NAALADL2: variants seen among roughly 807,000 people sequenced by gnomAD.
NAALADL2 encodes inactive N-acetylated-alpha-linked acidic dipeptidase-like protein 2.
A neutral mutation model predicts 87.2 loss-of-function variants in NAALADL2; 76 were observed. That is an observed-to-expected ratio of 0.87 (90% CI 0.72 to 1.05). NAALADL2 has a LOEUF of 1.05. NAALADL2 is among the 50% of genes least tolerant of loss of function. NAALADL2 has a pLI of 0.00. For missense variants in NAALADL2, 1,089 were observed against 945.8 expected (o/e 1.15, Z -1.99); for synonymous variants, 354 against 331.0 (o/e 1.07, Z -0.75).
chr3:175,690,991 T>A (rs1321316117), intron 11 of NAALADL2, among the ~76,000 whole-genome samples: 1 of 148,972 alleles, frequency 6.7e-6, no homozygotes, highest in African/African-American at 2.6e-5. Flanking sequence ...CTATTATTGA[T>A]CCACAAGTTG....
intron 4 of NAALADL2, among the ~76,000 whole-genome samples, chr3:175,276,328 C>A (rs1244517266): frequency 2.4e-4 from 33 of 139,030 alleles, no homozygotes; most frequent in African/African-American, 8.2e-4. Context: ...TGAGACGAAG[C>A]CTCGCTCTGC....
chr3:174,748,640 G>A (rs1443842265), intron 3 of NAALADL2, among the ~76,000 whole-genome samples: 2 of 152,062 alleles, frequency 1.3e-5, no homozygotes, highest in African/African-American at 2.4e-5. Context: ...ATTGTTTTGT[G>A]TTTTCGGTAG....
At chr3:174,903,307 A>G (rs1732529093) in intron 1 of NAALADL2, among the ~76,000 whole-genome samples, 1 of 152,078 alleles carries the variant, frequency 6.6e-6, no homozygotes, top group South Asian at 2.1e-4. Flanking sequence ...AGAAGACGCA[A>G]TAATCTGTAG....
At chr3:175,517,827 A>C (rs1732077274) in intron 9 of NAALADL2, among the ~76,000 whole-genome samples, 2 of 152,118 alleles carry the variant, frequency 1.3e-5, no homozygotes, top group Non-Finnish European at 2.9e-5. Flanking sequence ...GGCGGAGTAC[A>C]CCGGATTTTA....
chr3:174,539,165 G>A (rs1027552346), intron 1 of NAALADL2, among the ~76,000 whole-genome samples: 1 of 152,042 alleles, frequency 6.6e-6, no homozygotes, highest in African/African-American at 2.4e-5. Flanking sequence ...CTAAGACTAA[G>A]TAAAGACAAT....
At chr3:174,719,708 G>T (rs2108946495) in intron 2 of NAALADL2, among the ~76,000 whole-genome samples, 1 of 152,296 alleles carries the variant, frequency 6.6e-6, no homozygotes, top group African/African-American at 2.4e-5. Flanking sequence ...TGGAATTTGA[G>T]ATGTTTGAAG....
At chr3:175,790,936 A>G (rs1361089469) in intron 13 of NAALADL2, among the ~76,000 whole-genome samples, 1 of 152,220 alleles carries the variant, frequency 6.6e-6, no homozygotes, top group African/African-American at 2.4e-5. Context: ...ATCTTTGTAT[A>G]TGTAAAACTC....
At chr3:175,041,205 C>T (rs552801244) in intron 1 of NAALADL2, among the ~76,000 whole-genome samples, 43 of 152,090 alleles carry the variant, frequency 2.8e-4, no homozygotes, top group Non-Finnish European at 5.7e-4. Flanking sequence ...GTACAGTGTT[C>T]TTCATTTGGC....
chr3:174,930,628 T>TTTTTTTTTTTTG (rs1736731278), intron 1 of NAALADL2, among the ~76,000 whole-genome samples: 1 of 129,184 alleles, frequency 7.7e-6, no homozygotes. Context: ...TTTTTTTTTT[T>TTTTTTTTTTTTG]TTTTTTTTTT....
chr3:174,996,302 C>T (rs1747446317), intron 1 of NAALADL2, among the ~76,000 whole-genome samples: 1 of 151,718 alleles, frequency 6.6e-6, no homozygotes, highest in Admixed American at 6.6e-5. Context: ...TCGAGACCAT[C>T]CTGGCTAACA....
chr3:175,759,141 C>T (rs1410287702), intron 13 of NAALADL2, among the ~76,000 whole-genome samples: 2 of 152,124 alleles, frequency 1.3e-5, no homozygotes, highest in African/African-American at 4.8e-5. Flanking sequence ...GAACGCTGCT[C>T]TGTTGCTCTG....
rs142055116 is a variant in NAALADL2 at position 174,677,229 on chromosome 3, TTAAAC to T, written c.-114-60406_-114-60402del. On this transcript the variant is annotated intron_variant, in intron 2 of 3. Coordinates refer to the NAALADL2 transcript ENST00000434257. Reference sequence around the variant, plus strand: ...TGTTTGTGACCTTAAACATATGTGTTTAAACTAAACATATTTTTTAGTTTTGCACA... The same window carrying T: ...TGTTTGTGACCTTAAACATATGTGTTTAAACATATTTTTTAGTTTTGCACA... Among the ~76,000 whole-genome samples the T allele has an allele frequency of 9.0e-3, 1,371 of 152,110 alleles. 13 individuals carry two copies. Among genetic ancestry groups the T allele is most frequent in the African/African-American group, 0.031 (1,284 of 41,556 alleles).
intron 2 of NAALADL2, among the ~76,000 whole-genome samples, chr3:174,565,169 A>T (rs72622544): frequency 6.6e-6 from 1 of 151,816 alleles, no homozygotes; most frequent in Non-Finnish European, 1.5e-5. Context: ...TTGATTCAGT[A>T]TTATTAATCT....
intron 2 of NAALADL2, among the ~76,000 whole-genome samples, chr3:175,160,000 C>CTTTTTTTTT (rs58734561): frequency 0.25 from 33,821 of 133,684 alleles, 5,277 homozygotes; most frequent in Non-Finnish European, 0.34. Flanking sequence ...CCACTCGTGA[C>CTTTTTTTTT]TTTTTTTTTT....
chr3:174,729,841 G>A (rs1732543329), intron 2 of NAALADL2, among the ~76,000 whole-genome samples: 2 of 151,772 alleles, frequency 1.3e-5, no homozygotes. Flanking sequence ...ATTTTTTAAT[G>A]TGTGTGAAAT....
chr3:175,004,240 A>G (rs986474194), intron 1 of NAALADL2, among the ~76,000 whole-genome samples: 2 of 151,950 alleles, frequency 1.3e-5, no homozygotes, highest in African/African-American at 4.8e-5. Flanking sequence ...AAATAAATAA[A>G]TAAATAATTA....
At chr3:175,385,529 C>T (rs1768275424) in intron 5 of NAALADL2, among the ~76,000 whole-genome samples, 1 of 152,020 alleles carries the variant, frequency 6.6e-6, no homozygotes, top group Non-Finnish European at 1.5e-5. Flanking sequence ...TACAATTATA[C>T]ACTTACAAGA....
chr3:175,004,893 A>T (rs1485856366), intron 1 of NAALADL2, among the ~76,000 whole-genome samples: 2 of 152,150 alleles, frequency 1.3e-5, no homozygotes, highest in East Asian at 3.9e-4. Context: ...TCCAAAATCC[A>T]AAACGTTTTT....
intron 6 of NAALADL2, among the ~76,000 whole-genome samples, chr3:175,455,561 T>C (rs7623017): frequency 0.027 from 4,102 of 152,174 alleles, 74 homozygotes; most frequent in East Asian, 0.085. Context: ...AGAATACGAT[T>C]TAATTCAATG....
Sources: gnomAD v4.1 joint callset for allele counts (sites outside exome capture counted in the v4.1 genomes callset) on GRCh38, gnomAD v4.1.1 for gene constraint, MANE v1.5 for transcripts, NCBI Gene and HGNC (gene_info 2026-07-23, HGNC 2026-07-21) for gene names.